EEIG2: variants seen among roughly 807,000 people sequenced by gnomAD.
EEIG2 encodes EEIG family member 2, also known as family with sequence similarity 102 member B.
the EEIG2 span, chr1:108,628,351 GTGTT>G: frequency 3.7e-6 from 6 of 1,611,730 alleles, no homozygotes; most frequent in Non-Finnish European, 5.1e-6. Flanking sequence ...AGATTGCAGA[GTGTT>G]TGATATGAGT....
chr1:108,588,849 C>G, the EEIG2 span, among the ~76,000 whole-genome samples: 1 of 150,898 alleles, frequency 6.6e-6, no homozygotes, highest in Non-Finnish European at 1.5e-5. Flanking sequence ...AGGGGACATA[C>G]GTTTTTTTAA....
chr1:108,569,132 A>C, the EEIG2 span, among the ~76,000 whole-genome samples: 1 of 152,242 alleles, frequency 6.6e-6, no homozygotes, highest in Non-Finnish European at 1.5e-5. Flanking sequence ...TGAGGACAGA[A>C]CTAGGACCAG....
the EEIG2 span, among the ~76,000 whole-genome samples, chr1:108,593,343 C>T: frequency 6.6e-6 from 1 of 152,088 alleles, no homozygotes; most frequent in Non-Finnish European, 1.5e-5. Flanking sequence ...GTTTTCCAGG[C>T]AGAGGAAAGA....
chr1:108,571,174 C>T, the EEIG2 span, among the ~76,000 whole-genome samples: 4 of 152,134 alleles, frequency 2.6e-5, no homozygotes, highest in East Asian at 7.7e-4. Context: ...AAGAGTGTGA[C>T]ATAAGCCAGA....
At chr1:108,606,189 G>T in the EEIG2 span, 1 of 1,400,782 alleles carries the variant, frequency 7.1e-7, no homozygotes, top group South Asian at 1.4e-5. Flanking sequence ...CTTTCATTAT[G>T]TGATATCCTT....
the EEIG2 span, among the ~76,000 whole-genome samples, chr1:108,566,695 T>TA: frequency 9.5e-3 from 1,442 of 151,762 alleles, 21 homozygotes; most frequent in African/African-American, 0.033. Context: ...ATTCGGCCTT[T>TA]TAAAAAAAAA....
At chr1:108,585,975 C>A in the EEIG2 span, among the ~76,000 whole-genome samples, 3 of 152,066 alleles carry the variant, frequency 2.0e-5, no homozygotes, top group Admixed American at 6.6e-5. Context: ...AAAACTGATA[C>A]ATTTTCCTCC....
the EEIG2 span, among the ~76,000 whole-genome samples, chr1:108,607,562 G>T: frequency 3.9e-5 from 6 of 152,224 alleles, no homozygotes; most frequent in African/African-American, 1.4e-4. Flanking sequence ...GGTGGCTCAT[G>T]CCTGTAATCC....
the EEIG2 span, among the ~76,000 whole-genome samples, chr1:108,588,426 G>A: frequency 5.3e-5 from 8 of 152,166 alleles, no homozygotes; most frequent in Non-Finnish European, 8.8e-5. Context: ...AACTCATTGC[G>A]GTTTTGATTT....
the EEIG2 span, among the ~76,000 whole-genome samples, chr1:108,615,951 A>T: frequency 6.6e-6 from 1 of 152,276 alleles, no homozygotes; most frequent in African/African-American, 2.4e-5. Context: ...TTGGGAGTAA[A>T]GACAGATAGA....
the EEIG2 span, among the ~76,000 whole-genome samples, chr1:108,591,217 A>G: frequency 0.21 from 32,590 of 152,234 alleles, 4,443 homozygotes; most frequent in Non-Finnish European, 0.31. Context: ...ACCCATCAGT[A>G]TAACAAATGG....
the EEIG2 span, among the ~76,000 whole-genome samples, chr1:108,582,365 T>A: frequency 1.3e-5 from 2 of 152,166 alleles, no homozygotes; most frequent in Non-Finnish European, 2.9e-5. Flanking sequence ...TGCAATTTTT[T>A]TACATTATGA....
At chr1:108,600,417 G>T in the EEIG2 span, 1 of 768,194 alleles carries the variant, frequency 1.3e-6, no homozygotes, top group Non-Finnish European at 2.0e-6. Flanking sequence ...ACATTGTTAG[G>T]AATTTGCTTC....
chr1:108,591,506 T>C, the EEIG2 span, among the ~76,000 whole-genome samples: 1 of 152,320 alleles, frequency 6.6e-6, no homozygotes, highest in East Asian at 1.9e-4. Flanking sequence ...AGCCCATACA[T>C]TTAAAAAATT....
At chr1:108,619,765 C>A in the EEIG2 span, among the ~76,000 whole-genome samples, 4 of 152,176 alleles carry the variant, frequency 2.6e-5, no homozygotes, top group Non-Finnish European at 5.9e-5. Flanking sequence ...GGTGGTGCGC[C>A]TGTCGTCCCA....
chr1:108,579,955 A>G, the EEIG2 span, among the ~76,000 whole-genome samples: 4 of 151,992 alleles, frequency 2.6e-5, no homozygotes, highest in African/African-American at 9.7e-5. Context: ...TGTAGAGACA[A>G]GGTCATGCTA....
At chr1:108,582,605 A>G in the EEIG2 span, among the ~76,000 whole-genome samples, 13 of 152,128 alleles carry the variant, frequency 8.5e-5, no homozygotes, top group Non-Finnish European at 1.8e-4. Context: ...AGTGAGTTTT[A>G]TGTTTGTTAT....
At chr1:108,597,523 A>G in the EEIG2 span, among the ~76,000 whole-genome samples, 3,900 of 152,266 alleles carry the variant, frequency 0.026, 168 homozygotes, top group African/African-American at 0.089. Flanking sequence ...ACTATTTCCA[A>G]AACAGTTTTT....
chr1:108,623,299 C>A, the EEIG2 span, among the ~76,000 whole-genome samples: 8 of 152,128 alleles, frequency 5.3e-5, no homozygotes, highest in Admixed American at 2.0e-4. Flanking sequence ...CATAGGGAGA[C>A]CCCCATCTCT....
Sources: allele counts gnomAD v4.1 joint callset (sites outside exome capture counted in the v4.1 genomes callset), GRCh38; gene constraint gnomAD v4.1.1; transcripts MANE v1.5; gene names NCBI Gene and HGNC (gene_info 2026-07-23, HGNC 2026-07-21).